The following DAB1 variants were observed in gnomAD, a reference collection of about 807,000 sequenced individuals.
DAB1 encodes DAB adaptor protein 1.
In DAB1, 15 loss-of-function variants were observed where a neutral mutation model predicts 64.6. The observed-to-expected ratio is 0.23, with a 90% CI of 0.16 to 0.36. The LOEUF (loss-of-function observed/expected upper bound fraction) is 0.36. Among genes scored for constraint, DAB1 ranks in the 10% least tolerant of loss-of-function variants. The pLI is 1.00. For synonymous variants in DAB1, 235 were observed against 251.9 expected (o/e 0.93, Z 0.64); for missense variants, 596 against 706.7 (o/e 0.84, Z 1.78).
chr1:57,655,346 A>AATCATCCATCCATCTAACCATCC (rs1646304896), intron 6 of DAB1, among the ~76,000 whole-genome samples: 1 of 151,828 alleles, frequency 6.6e-6, no homozygotes, highest in Non-Finnish European at 1.5e-5. Context: ...CTTCATCATC[A>AATCATCCATCCATCTAACCATCC]ATCATCCATC....
At chr1:58,136,601 C>T (rs1007771805) in intron 5 of DAB1, among the ~76,000 whole-genome samples, 2 of 152,184 alleles carry the variant, frequency 1.3e-5, no homozygotes, top group Non-Finnish European at 2.9e-5. Flanking sequence ...AGATTGAAAG[C>T]ATTAACTGCA....
chr1:57,901,037 T>G (rs909693565), intron 5 of DAB1, among the ~76,000 whole-genome samples: 6 of 152,128 alleles, frequency 3.9e-5, no homozygotes, highest in Non-Finnish European at 8.8e-5. Context: ...AACTATGTCA[T>G]TTAGTTCTCA....
chr1:58,364,048 C>G (rs183226057), intron 3 of DAB1, among the ~76,000 whole-genome samples: 1 of 152,336 alleles, frequency 6.6e-6, no homozygotes, highest in Non-Finnish European at 1.5e-5. Context: ...CCCAGGCAGA[C>G]TGAGTGATGT....
intron 2 of DAB1, among the ~76,000 whole-genome samples, chr1:57,260,778 C>A (rs1014648977): frequency 1.3e-5 from 2 of 152,164 alleles, no homozygotes; most frequent in African/African-American, 4.8e-5. Flanking sequence ...CATATACCTT[C>A]CCCCATCACT....
intron 3 of DAB1, among the ~76,000 whole-genome samples, chr1:58,484,044 G>A (rs919772094): frequency 6.6e-6 from 1 of 152,144 alleles, no homozygotes. Context: ...TAAGATCTTT[G>A]TGTATTCAGT....
intron 6 of DAB1, among the ~76,000 whole-genome samples, chr1:57,727,965 G>C (rs899129466): frequency 1.3e-5 from 2 of 152,146 alleles, no homozygotes; most frequent in Non-Finnish European, 2.9e-5. Context: ...ACAGATGTAG[G>C]AGGAAGAAAG....
chr1:57,493,762 G>GCACACACACACACACACACACACACA (rs1414667024), intron 7 of DAB1, among the ~76,000 whole-genome samples: 49 of 150,196 alleles, frequency 3.3e-4, no homozygotes, highest in African/African-American at 9.7e-4. Flanking sequence ...CGTATTCACA[G>GCACACACACACACACACACACACACA]CTCACACACA....
At chr1:58,118,114 T>C (rs1652459644) in intron 5 of DAB1, among the ~76,000 whole-genome samples, 1 of 151,792 alleles carries the variant, frequency 6.6e-6, no homozygotes, top group Admixed American at 6.6e-5. Context: ...TCTCCTTACA[T>C]TGCCCAGGCT....
chr1:58,434,463 G>A lies in DAB1; in HGVS notation n.257+71597C>T, dbSNP rs1644919631. On this transcript the variant is annotated intron_variant and non_coding_transcript_variant, in intron 3 of 20. Coordinates refer to the DAB1 transcript ENST00000485760. The stretch of plus-strand genomic sequence containing the variant: ...GTCAGAACAGCAGAGAAGTAGAAAG[G>A]ATGAAGTTGCTTCCTAGAGATGGAG... Among the ~76,000 whole-genome samples the A allele has an allele frequency of 3.9e-5, 6 of 151,964 alleles. No homozygotes were observed. In the Middle Eastern group the frequency reaches 0.01, roughly 260 times the overall value.
chr1:57,122,641 T>C (rs1242502376), intron 4 of DAB1, among the ~76,000 whole-genome samples: 1 of 152,146 alleles, frequency 6.6e-6, no homozygotes, highest in Non-Finnish European at 1.5e-5. Context: ...AGAGCTATCC[T>C]GAAAGAGGCT....
chr1:57,185,497 G>A (rs1663449569), intron 2 of DAB1, among the ~76,000 whole-genome samples: 1 of 149,894 alleles, frequency 6.7e-6, no homozygotes, highest in South Asian at 2.1e-4. Flanking sequence ...GAGAAAAAGA[G>A]AGAGGCAGGA....
At chr1:57,159,873 A>AG (rs1660584437) in intron 2 of DAB1, among the ~76,000 whole-genome samples, 1 of 149,422 alleles carries the variant, frequency 6.7e-6, no homozygotes, top group Non-Finnish European at 1.5e-5. Flanking sequence ...AAAAAAAAAA[A>AG]AAAAGGAAAA....
At chr1:58,218,802 G>A (rs1417987647) in intron 4 of DAB1, among the ~76,000 whole-genome samples, 2 of 152,182 alleles carry the variant, frequency 1.3e-5, no homozygotes, top group African/African-American at 4.8e-5. Flanking sequence ...TACTCACAGA[G>A]AGAAAAGTCC....
chr1:58,545,643 A>G (rs772550502), intron 1 of DAB1, among the ~76,000 whole-genome samples: 27 of 152,322 alleles, frequency 1.8e-4, no homozygotes, highest in Non-Finnish European at 2.8e-4. Context: ...AGCCTCTACG[A>G]ACATTTCAGA....
At chr1:57,577,809 AAAATG>A (rs1645267752) in intron 7 of DAB1, among the ~76,000 whole-genome samples, 1 of 152,200 alleles carries the variant, frequency 6.6e-6, no homozygotes, top group Admixed American at 6.5e-5. Context: ...CATTCTCTTG[AAAATG>A]CCATTTTGCA....
chr1:57,924,626 ATTTTT>A (rs34750244), intron 5 of DAB1, among the ~76,000 whole-genome samples: 3 of 131,806 alleles, frequency 2.3e-5, no homozygotes, highest in African/African-American at 8.5e-5. Flanking sequence ...CACTTGGCTA[ATTTTT>A]TTTTTTTTTT....
intron 5 of DAB1, among the ~76,000 whole-genome samples, chr1:58,091,732 C>T (rs779768922): frequency 6.6e-6 from 1 of 152,074 alleles, no homozygotes; most frequent in Non-Finnish European, 1.5e-5. Flanking sequence ...TTATTCACAC[C>T]ATTCTGCTAA....
intron 4 of DAB1, among the ~76,000 whole-genome samples, chr1:58,202,262 G>A (rs1658037249): frequency 6.6e-6 from 1 of 152,146 alleles, no homozygotes; most frequent in African/African-American, 2.4e-5. Context: ...TTTCCAAATA[G>A]CCATATATTA....
intron 1 of DAB1, among the ~76,000 whole-genome samples, chr1:57,338,685 A>C (rs2100820239): frequency 6.6e-6 from 1 of 152,206 alleles, no homozygotes. Context: ...GAAGTTCATA[A>C]CTCTTCATGC....
Sources: gnomAD v4.1 joint callset for allele counts (sites outside exome capture counted in the v4.1 genomes callset) on GRCh38, gnomAD v4.1.1 for gene constraint, MANE v1.5 for transcripts, NCBI Gene and HGNC (gene_info 2026-07-23, HGNC 2026-07-21) for gene names.